The following PDE1C variants were observed in gnomAD, a reference collection of about 807,000 sequenced individuals.
The protein encoded by PDE1C is dual specificity calcium/calmodulin-dependent 3',5'-cyclic nucleotide phosphodiesterase 1C.
Under a neutral mutation model 93.1 loss-of-function variants are expected in PDE1C, and 62 were observed. That is an observed-to-expected ratio of 0.67 (90% CI 0.54 to 0.82). The LOEUF (loss-of-function observed/expected upper bound fraction) is 0.82. Ranked by LOEUF, PDE1C falls within the 40% of genes least tolerant of loss-of-function variation. The pLI is 0.00. For missense variants in PDE1C, 742 were observed against 884.6 expected (o/e 0.84, Z 2.04); for synonymous variants, 325 against 310.1 (o/e 1.05, Z -0.50).
chr7:31,959,021 T>A (rs988196293), intron 2 of PDE1C, among the ~76,000 whole-genome samples: 1 of 152,092 alleles, frequency 6.6e-6, no homozygotes, highest in Non-Finnish European at 1.5e-5. Context: ...GAGTGATGAA[T>A]GAAAACCAAC....
At chr7:31,630,779 A>C in the PDE1C span, among the ~76,000 whole-genome samples, 1 of 150,958 alleles carries the variant, frequency 6.6e-6, no homozygotes, top group Admixed American at 6.6e-5. Context: ...AAAATAAAGA[A>C]TCAAAGAGAT....
At chr7:32,270,634 G>A (rs1193545682) in intron 1 of PDE1C, among the ~76,000 whole-genome samples, 1 of 152,176 alleles carries the variant, frequency 6.6e-6, no homozygotes, top group Non-Finnish European at 1.5e-5. Context: ...GGCTGGCCTA[G>A]AGGCCCAAGG....
At position 32,015,474 on chromosome 7, in the gene PDE1C, T is replaced by G. The variant is rs144038330; in HGVS notation, c.128+36080A>C. Among the ~76,000 whole-genome samples, 556 of 152,260 alleles carry G rather than the reference T, an allele frequency of 3.7e-3. 6 individuals carry two copies. Among genetic ancestry groups the G allele is most frequent in the African/African-American group, 0.013 (524 of 41,566 alleles). On this transcript the variant is annotated intron_variant, in intron 2 of 17. Transcript: ENST00000396191. Reference sequence around the variant, plus strand: ...AGTAATCAATGTTTAAGATAAAACATGCAGCGGAAATAAAAAGGACAATTT... The same window carrying G: ...AGTAATCAATGTTTAAGATAAAACAGGCAGCGGAAATAAAAAGGACAATTT...
At chr7:31,971,814 T>C (rs1811002051) in intron 2 of PDE1C, among the ~76,000 whole-genome samples, 1 of 152,216 alleles carries the variant, frequency 6.6e-6, no homozygotes, top group Non-Finnish European at 1.5e-5. Flanking sequence ...CCTCCGTGTC[T>C]CCAGCTTCCA....
the PDE1C span, among the ~76,000 whole-genome samples, chr7:31,622,984 C>A: frequency 1.6e-3 from 247 of 152,040 alleles, no homozygotes; most frequent in Non-Finnish European, 2.9e-3. Context: ...ACATCTACGC[C>A]AATAAACTAG....
At chr7:31,888,514 T>G (rs1375245801) in intron 2 of PDE1C, among the ~76,000 whole-genome samples, 1 of 151,848 alleles carries the variant, frequency 6.6e-6, no homozygotes, top group Non-Finnish European at 1.5e-5. Flanking sequence ...AAATAACCAA[T>G]ATCAAGGATA....
chr7:31,996,397 A>G (rs1784738340), intron 2 of PDE1C, among the ~76,000 whole-genome samples: 1 of 152,154 alleles, frequency 6.6e-6, no homozygotes. Context: ...GTCTTTACAC[A>G]CTCAGAAAAA....
chr7:31,646,075 C>T, the PDE1C span, among the ~76,000 whole-genome samples: 4 of 152,144 alleles, frequency 2.6e-5, no homozygotes, highest in African/African-American at 9.7e-5. Flanking sequence ...TAGGAATGCA[C>T]ATCCCGAAAA....
At chr7:32,076,640 C>T (rs1584711131) in intron 3 of PDE1C, among the ~76,000 whole-genome samples, 1 of 121,976 alleles carries the variant, frequency 8.2e-6, no homozygotes, top group African/African-American at 3.1e-5. Flanking sequence ...GAGACTCCAT[C>T]TCAAAAAAAA....
intron 6 of PDE1C, among the ~76,000 whole-genome samples, chr7:31,868,630 C>G (rs1384562451): frequency 6.6e-6 from 1 of 152,036 alleles, no homozygotes; most frequent in Non-Finnish European, 1.5e-5. Flanking sequence ...ACCTATTTAA[C>G]AAAATACTAG....
chr7:32,086,617 A>G (rs1044371640), intron 3 of PDE1C, among the ~76,000 whole-genome samples: 11 of 152,162 alleles, frequency 7.2e-5, no homozygotes, highest in African/African-American at 2.7e-4. Context: ...CTACAAGGCT[A>G]CAGTAACCAA....
intron 14 of PDE1C, among the ~76,000 whole-genome samples, 155 bp downstream of exon 14, chr7:31,822,918 G>A (rs911084599): frequency 6.6e-6 from 1 of 152,164 alleles, no homozygotes; most frequent in Non-Finnish European, 1.5e-5. Flanking sequence ...GCATTGATTC[G>A]TAGATATTAT....
At chr7:31,765,561 G>C (rs953327859) in intron 17 of PDE1C, among the ~76,000 whole-genome samples, 13 of 152,126 alleles carry the variant, frequency 8.5e-5, no homozygotes, top group African/African-American at 2.9e-4. Flanking sequence ...ACTAACAGTG[G>C]CCAATTTCAG....
chr7:31,818,300 T>C (rs1158982751), intron 14 of PDE1C, among the ~76,000 whole-genome samples: 1 of 152,118 alleles, frequency 6.6e-6, no homozygotes, highest in Non-Finnish European at 1.5e-5. Flanking sequence ...CAGAAGAAGA[T>C]GGTGAGATGG....
exon 1 of PDE1C, chr7:32,299,076 T>G: frequency 9.1e-7 from 1 of 1,094,726 alleles, no homozygotes; most frequent in Non-Finnish European, 1.1e-6. Flanking sequence ...GATCCCTGCC[T>G]GGCCACGCTA....
intron 17 of PDE1C, among the ~76,000 whole-genome samples, chr7:31,766,371 A>G (rs1279540847): frequency 6.9e-6 from 1 of 145,952 alleles, no homozygotes; most frequent in Non-Finnish European, 1.5e-5. Context: ...GCGACAGAGC[A>G]AGACTGTGTC....
chr7:32,048,406 A>T (rs2128679239), intron 2 of PDE1C, among the ~76,000 whole-genome samples: 1 of 152,254 alleles, frequency 6.6e-6, no homozygotes, highest in East Asian at 1.9e-4. Flanking sequence ...ATTTGACCTA[A>T]GAAACCAGAC....
chr7:32,169,934 C>T (rs1242223593), exon 3 of PDE1C: 1 of 1,612,624 alleles, frequency 6.2e-7, no homozygotes, highest in East Asian at 2.2e-5. Context: ...GGGAGTTCCA[C>T]AGACAGTTCT....
chr7:32,333,894 C>T (rs1016230898), intron 1 of PDE1C, among the ~76,000 whole-genome samples: 18 of 152,230 alleles, frequency 1.2e-4, no homozygotes, highest in African/African-American at 3.6e-4. Flanking sequence ...AAGGGTTAGG[C>T]CTTTTGAACT....
Sources: allele counts gnomAD v4.1 joint callset (sites outside exome capture counted in the v4.1 genomes callset), GRCh38; gene constraint gnomAD v4.1.1; transcripts MANE v1.5; gene names NCBI Gene and HGNC (gene_info 2026-07-23, HGNC 2026-07-21).